The following NTNG2 variants were observed in gnomAD, a reference collection of about 807,000 sequenced individuals.
NTNG2 encodes the protein netrin-G2.
In NTNG2, 15 loss-of-function variants were observed where a neutral mutation model predicts 47.6. That is an observed-to-expected ratio of 0.32 (90% confidence interval 0.21 to 0.49). The LOEUF is 0.49. Ranked by LOEUF, NTNG2 falls within the 20% of genes least tolerant of loss-of-function variation. The pLI is 0.99. For synonymous variants in NTNG2, 307 were observed against 324.6 expected, an observed-to-expected ratio of 0.95 and a Z score of 0.58; for missense variants, 578 against 764.6, an observed-to-expected ratio of 0.76 and a Z score of 2.88.
intron 3 of NTNG2, among the ~76,000 whole-genome samples, chr9:132,220,971 TA>T (rs961765182): frequency 1.3e-5 from 2 of 151,914 alleles, no homozygotes; most frequent in Non-Finnish European, 1.5e-5. Context: ...AGTCTGACAT[TA>T]AAAAAAACAT....
At chr9:132,178,786 C>CAAAAAAAAA in intron 2 of NTNG2, among the ~76,000 whole-genome samples, 1 of 93,528 alleles carries the variant, frequency 1.1e-5, no homozygotes. Context: ...ACTAAAAATA[C>CAAAAAAAAA]AAAAAAAAAA....
chr9:132,165,206 C>T (rs917375878), intron 1 of NTNG2, among the ~76,000 whole-genome samples: 2 of 152,096 alleles, frequency 1.3e-5, no homozygotes, highest in African/African-American at 4.8e-5. Flanking sequence ...TTGGATTCTC[C>T]GGGTGACGTA....
rs547644591 is a variant in NTNG2 at position 132,234,930 on chromosome 9, G to A, written c.1055-4174G>A. On this transcript the variant is annotated intron_variant, in intron 5 of 7. Transcript: ENST00000393229. ...CCACCGTTGTGTATAATCCCTTCAAGAAGCGGAAAACAGCAGCGCTCCCCT... is the reference window on the plus strand; with the variant it reads ...CCACCGTTGTGTATAATCCCTTCAAAAAGCGGAAAACAGCAGCGCTCCCCT... 6.8e-4 allele frequency among the ~76,000 whole-genome samples: 104 copies of A among 152,350 alleles called. 1 individual carries two copies. Among genetic ancestry groups the A allele is most frequent in the Non-Finnish European group, 1.3e-3 (88 of 68,038 alleles).
chr9:132,189,686 C>T (rs1380835123), intron 2 of NTNG2, among the ~76,000 whole-genome samples: 2 of 152,128 alleles, frequency 1.3e-5, no homozygotes, highest in African/African-American at 2.4e-5. Context: ...GTCACCCAGG[C>T]TGGAGTGCAG....
intron 2 of NTNG2, among the ~76,000 whole-genome samples, chr9:132,175,838 T>G (rs946727585): frequency 6.6e-6 from 1 of 151,976 alleles, no homozygotes; most frequent in Non-Finnish European, 1.5e-5. Context: ...ATTAACCAGT[T>G]CATTCAATGT....
intron 5 of NTNG2, among the ~76,000 whole-genome samples, chr9:132,238,155 T>C (rs1841758926): frequency 7.3e-6 from 1 of 136,252 alleles, no homozygotes; most frequent in African/African-American, 2.6e-5. Flanking sequence ...GGTGGGTGGG[T>C]GAGTACTGTG....
At position 132,218,203 on chromosome 9, in the gene NTNG2, C is replaced by G. The variant is rs1468794501; in HGVS notation, c.858-8646C>G. Among the ~76,000 whole-genome samples the G allele has an allele frequency of 2.6e-5, 4 of 152,250 alleles. No individual in the cohort carries two copies. Among genetic ancestry groups the G allele is most frequent in the African/African-American group, 9.6e-5 (4 of 41,472 alleles). ...CACAGGCCACCCGGGAGTGCAGACA[C>G]TAAGTGTGGCTCTGAATCGAGCTGC... On this transcript the variant is annotated intron_variant, in intron 3 of 7. Transcript: ENST00000393229. The surrounding 1 kb of genome is among the most constrained non-coding windows in gnomAD (Gnocchi z 5.4).
At chr9:132,191,009 G>A (rs917373294) in intron 2 of NTNG2, among the ~76,000 whole-genome samples, 1 of 152,318 alleles carries the variant, frequency 6.6e-6, no homozygotes, top group African/African-American at 2.4e-5. Flanking sequence ...GTTGGGTCCC[G>A]TGGAGTCCAG....
At chr9:132,214,451 A>T (rs1211155163) in intron 3 of NTNG2, among the ~76,000 whole-genome samples, 1 of 152,192 alleles carries the variant, frequency 6.6e-6, no homozygotes, top group Non-Finnish European at 1.5e-5. Context: ...CACGTTTCCC[A>T]GAGAACTGGT....
chr9:132,239,753 CA>C (rs1349306683), intron 6 of NTNG2, among the ~76,000 whole-genome samples: 1 of 152,276 alleles, frequency 6.6e-6, no homozygotes, highest in Non-Finnish European at 1.5e-5. Context: ...TGCATTTGTG[CA>C]AGTCCCTTCC....
chr9:132,220,361 T>A (rs1316153537), intron 3 of NTNG2, among the ~76,000 whole-genome samples: 1 of 152,172 alleles, frequency 6.6e-6, no homozygotes, highest in East Asian at 1.9e-4. Flanking sequence ...GTCTAATTTA[T>A]CTATTTTTTT....
chr9:132,173,734 T>G (rs1379809394), intron 2 of NTNG2, among the ~76,000 whole-genome samples: 9 of 136,548 alleles, frequency 6.6e-5, no homozygotes, highest in African/African-American at 2.6e-4. Context: ...AGGAGCACCA[T>G]GCTGCGGATG....
intron 1 of NTNG2, among the ~76,000 whole-genome samples, chr9:132,164,584 C>T (rs576055164): frequency 9.2e-5 from 14 of 152,366 alleles, no homozygotes; most frequent in African/African-American, 3.1e-4. Context: ...AAACCTTTGC[C>T]GGCGGCGCTA....
intron 7 of NTNG2, 85 bp from the exon 8 acceptor site, chr9:132,241,791 T>G (rs12342966): frequency 0.53 from 544,923 of 1,020,416 alleles, 152,228 homozygotes; most frequent in African/African-American, 0.87. Context: ...GCCCCCGGGA[T>G]CTCGCACACC....
At chr9:132,164,495 C>T (rs188727530) in intron 1 of NTNG2, among the ~76,000 whole-genome samples, 86 of 152,360 alleles carry the variant, frequency 5.6e-4, no homozygotes, top group South Asian at 6.2e-4. Flanking sequence ...TGTTAGTGAA[C>T]AGTTAGGAGT....
chr9:132,187,453 A>C (rs1045104446), intron 2 of NTNG2, among the ~76,000 whole-genome samples: 2 of 152,166 alleles, frequency 1.3e-5, no homozygotes, highest in African/African-American at 4.8e-5. Flanking sequence ...AAAGGGAAGG[A>C]GAGAGACACC....
chr9:132,166,997 C>T lies in NTNG2; in HGVS notation c.166C>T (p.Pro56Ser). The T allele has an allele frequency of 6.2e-7, 1 of 1,614,236 alleles. No individual in the cohort carries two copies. ...LKDYVKVKVE[P>S]SGITCGDPPE... ...GGACTACGTCAAGGTGAAGGTGGAGCCCTCAGGCATCACATGTGGAGACCC... is the reference window on the plus strand; with the variant it reads ...GGACTACGTCAAGGTGAAGGTGGAGTCCTCAGGCATCACATGTGGAGACCC... Residue 56 changes from proline (P) to serine (S), a missense_variant, in exon 2 of 8, where the codon CCC becomes TCC. Pro to Ser is a moderately conservative substitution (Grantham distance 74). Transcript: ENST00000393229.
chr9:132,190,011 C>T lies in NTNG2; in HGVS notation c.214-7955C>T, dbSNP rs1258463818. Among the ~76,000 whole-genome samples the T allele has an allele frequency of 4.1e-5, 6 of 147,502 alleles. No homozygotes were observed. In the East Asian group the frequency reaches 1.2e-3, roughly 31 times the overall value. On this transcript the variant is annotated intron_variant, in intron 2 of 7. Transcript: ENST00000393229. ...CACTTTGGGAGGCCGAGGCGGGCGG[C>T]TCATGAGGTCAGGAGATCGAGACCA...
At chr9:132,237,932 G>T (rs1294139248) in intron 5 of NTNG2, among the ~76,000 whole-genome samples, 4 of 152,206 alleles carry the variant, frequency 2.6e-5, no homozygotes. Context: ...AAGGGGGCAG[G>T]ACTAGGTGGC....
Sources: allele counts gnomAD v4.1 joint callset (sites outside exome capture counted in the v4.1 genomes callset), GRCh38; gene constraint gnomAD v4.1.1; non-coding constraint Gnocchi (gnomAD v3.1); transcripts MANE v1.5; gene names NCBI Gene and HGNC (gene_info 2026-07-23, HGNC 2026-07-21).